HS3ST4: variants seen among roughly 807,000 people sequenced by gnomAD.
The protein encoded by HS3ST4 is heparan sulfate glucosamine 3-O-sulfotransferase 4.
A neutral mutation model predicts 29.2 loss-of-function variants in HS3ST4; 17 were observed. The ratio of observed to expected loss-of-function variants is 0.58; its 90% CI spans 0.40 to 0.87. The LOEUF (loss-of-function observed/expected upper bound fraction) is 0.87. Ranked by LOEUF, HS3ST4 falls within the 40% of genes least tolerant of loss-of-function variation. The pLI is 0.00. For synonymous variants in HS3ST4, 314 were observed against 285.7 expected (o/e 1.10, Z -1.00); for missense variants, 627 against 634.5 (o/e 0.99, Z 0.13).
intron 1 of HS3ST4, among the ~76,000 whole-genome samples, chr16:25,803,198 G>T (rs1218460806): frequency 6.6e-6 from 1 of 152,006 alleles, no homozygotes; most frequent in Admixed American, 6.6e-5. Context: ...GAGTGTTGTT[G>T]TGTGATCCAC....
At chr16:25,902,561 A>G (rs1425153294) in intron 1 of HS3ST4, among the ~76,000 whole-genome samples, 1 of 152,078 alleles carries the variant, frequency 6.6e-6, no homozygotes, top group Non-Finnish European at 1.5e-5. Context: ...TCATGGGAGG[A>G]GTGTGGGTCC....
chr16:26,081,045 G>A (rs1898717447), intron 1 of HS3ST4, among the ~76,000 whole-genome samples: 1 of 152,102 alleles, frequency 6.6e-6, no homozygotes, highest in African/African-American at 2.4e-5. Flanking sequence ...CATCAACTTT[G>A]GAAGGTCAAG....
intron 1 of HS3ST4, among the ~76,000 whole-genome samples, chr16:25,710,579 TAGAA>T (rs1314071116): frequency 6.6e-6 from 1 of 152,074 alleles, no homozygotes; most frequent in East Asian, 1.9e-4. Flanking sequence ...GGAGTAGAAA[TAGAA>T]AGACTTCCTA....
chr16:25,733,374 T>C (rs1966585102), intron 1 of HS3ST4, among the ~76,000 whole-genome samples: 1 of 152,230 alleles, frequency 6.6e-6, no homozygotes, highest in East Asian at 1.9e-4. Flanking sequence ...GGTAGGTCCC[T>C]GTGCACAAGC....
chr16:25,805,323 G>T (rs1480331767), intron 1 of HS3ST4, among the ~76,000 whole-genome samples: 1 of 152,172 alleles, frequency 6.6e-6, no homozygotes, highest in Non-Finnish European at 1.5e-5. Flanking sequence ...GCCATAGCTG[G>T]CATCAGTTCA....
rs535703711 is a variant in HS3ST4, at chr16:25,744,145, G to A, written c.734+50994G>A. Among the ~76,000 whole-genome samples the A allele has an allele frequency of 7.9e-5, 12 of 152,132 alleles. No homozygotes were observed. In the South Asian group the frequency reaches 1.7e-3, roughly 21 times the overall value. On this transcript the variant is annotated intron_variant, in intron 1 of 1. Transcript: ENST00000331351. ...AAATCTGTCTTCTCTGTTCCTTATCGTCTACCTTTATTAATGTAACCTGAC... is the reference window on the plus strand; with the variant it reads ...AAATCTGTCTTCTCTGTTCCTTATCATCTACCTTTATTAATGTAACCTGAC...
In HS3ST4 at chr16:25,692,379, T is replaced by TGCCGCCGGCGCC. The variant is rs1555461390; in HGVS notation, c.-32_-31insGCGCCGCCGCCG. 1.7e-5 allele frequency: 8 copies of TGCCGCCGGCGCC among 477,762 alleles called. No individual in the cohort carries two copies. Among genetic ancestry groups the TGCCGCCGGCGCC allele is most frequent in the African/African-American group, 1.4e-4 (6 of 43,404 alleles). The allele number at this position is 477,762 out of a possible 1,614,324, so 29.6% of individuals were successfully genotyped here. A position where few individuals can be genotyped will look rare whatever the true frequency, so the allele number is the denominator to read the frequency against. On this transcript the variant is annotated 5_prime_UTR_variant, in exon 1 of 2. Coordinates refer to ENST00000331351, the MANE Select transcript of HS3ST4 (RefSeq NM_006040.3). ...ACCATGTCCGGGCAGCGCCGGGGGC[T>TGCCGCCGGCGCC]GCCGCCGCCGCCGCCGCCGCCGCGA... is the stretch of plus-strand genomic sequence containing the variant.
intron 1 of HS3ST4, among the ~76,000 whole-genome samples, chr16:25,912,355 A>G (rs563752985): frequency 6.6e-6 from 1 of 152,158 alleles, no homozygotes; most frequent in South Asian, 2.1e-4. Flanking sequence ...TTTTTACCTC[A>G]TTTTGACTGT....
At chr16:25,837,757 C>T (rs1324886007) in intron 1 of HS3ST4, among the ~76,000 whole-genome samples, 1 of 152,092 alleles carries the variant, frequency 6.6e-6, no homozygotes, top group Admixed American at 6.6e-5. Context: ...TCTCTTGGGA[C>T]TTAAATCGTC....
At chr16:25,968,419 C>T (rs10400940) in intron 1 of HS3ST4, among the ~76,000 whole-genome samples, 33,858 of 152,052 alleles carry the variant, frequency 0.22, 4,179 homozygotes, top group East Asian at 0.44. Flanking sequence ...GAGCCGTGGT[C>T]GCCCCTTAGA....
At chr16:25,740,152 C>G (rs952519666) in intron 1 of HS3ST4, among the ~76,000 whole-genome samples, 2 of 152,128 alleles carry the variant, frequency 1.3e-5, no homozygotes, top group Admixed American at 6.5e-5. Flanking sequence ...TGAGAGCCTA[C>G]TGCATCGTTC....
intron 1 of HS3ST4, among the ~76,000 whole-genome samples, chr16:26,040,296 CTT>C (rs565233563): frequency 1.1e-4 from 15 of 135,712 alleles, no homozygotes; most frequent in Middle Eastern, 3.6e-3. Flanking sequence ...ATCTTTCTTT[CTT>C]TTTTTTTTTT....
In HS3ST4 at chr16:26,013,963, G is replaced by A. The variant is rs189258290; in HGVS notation, c.735-121649G>A. Among the ~76,000 whole-genome samples the A allele has an allele frequency of 9.9e-5, 15 of 151,846 alleles. No individual in the cohort carries two copies. In the East Asian group the frequency reaches 2.1e-3, roughly 22 times the overall value. On this transcript the variant is annotated intron_variant, in intron 1 of 1. Transcript: ENST00000331351. ...GCAGAGGTTGCAGTAAGCTGAGATC[G>A]CGCCACCGCATTCCAGGCTGGCGAC...
At chr16:25,828,296 CTTTCCCTCT>C (rs1567249496) in intron 1 of HS3ST4, among the ~76,000 whole-genome samples, 9 of 74,054 alleles carry the variant, frequency 1.2e-4, no homozygotes, top group Admixed American at 5.0e-4. Flanking sequence ...TTCTTTCTTT[CTTTCCCTCT>C]CTCTCTCTCT....
At chr16:25,875,353 C>T (rs530247343) in intron 1 of HS3ST4, among the ~76,000 whole-genome samples, 1 of 152,256 alleles carries the variant, frequency 6.6e-6, no homozygotes, top group East Asian at 1.9e-4. Flanking sequence ...TCATTCGCGG[C>T]ACTGATGAGA....
intron 1 of HS3ST4, among the ~76,000 whole-genome samples, chr16:25,916,823 G>T (rs1328032195): frequency 6.6e-6 from 1 of 151,890 alleles, no homozygotes; most frequent in African/African-American, 2.4e-5. Context: ...GGGACTACAG[G>T]CGCCTGCGAC....
At chr16:26,034,182 A>G (rs1969560758) in intron 1 of HS3ST4, among the ~76,000 whole-genome samples, 1 of 152,144 alleles carries the variant, frequency 6.6e-6, no homozygotes, top group Non-Finnish European at 1.5e-5. Context: ...GGACAGAGCA[A>G]GGGAGCGACT....
At chr16:25,953,306 T>G (rs903373366) in intron 1 of HS3ST4, among the ~76,000 whole-genome samples, 1 of 152,152 alleles carries the variant, frequency 6.6e-6, no homozygotes, top group African/African-American at 2.4e-5. Context: ...TGCTCGTAAG[T>G]CCTCAGCCTA....
At chr16:26,099,313 C>G (rs1317690295) in intron 1 of HS3ST4, among the ~76,000 whole-genome samples, 2 of 152,136 alleles carry the variant, frequency 1.3e-5, no homozygotes, top group Non-Finnish European at 2.9e-5. Context: ...TGTCACCATA[C>G]TGGACTAATT....
Sources: allele counts gnomAD v4.1 joint callset (sites outside exome capture counted in the v4.1 genomes callset), GRCh38; gene constraint gnomAD v4.1.1; transcripts MANE v1.5; gene names NCBI Gene and HGNC (gene_info 2026-07-23, HGNC 2026-07-21).